Variants in FAM234B observed in about 807,000 individuals in gnomAD.
FAM234B encodes the protein family with sequence similarity 234 member B.
Under a neutral mutation model 69.3 loss-of-function variants are expected in FAM234B, and 33 were observed. The ratio of observed to expected loss-of-function variants is 0.48; its 90% CI spans 0.36 to 0.64. FAM234B has a LOEUF of 0.64. Among genes scored for constraint, FAM234B ranks in the 30% least tolerant of loss-of-function variants. FAM234B has a pLI of 0.00. For synonymous variants in FAM234B, 306 were observed against 306.9 expected (o/e 1.00, Z 0.03); for missense variants, 697 against 769.7 (o/e 0.91, Z 1.12).
chr12:13,065,263 C>T lies in FAM234B; in HGVS notation c.853-1377C>T, dbSNP rs1865025332. ...TAACCATTAGCCTAGTCCCTCTAAG[C>T]TTGCTACTCAGGACTAAATATCCCC... On this transcript the variant is annotated intron_variant, in intron 5 of 12. Transcript: ENST00000197268. Among the ~76,000 whole-genome samples, 9 of 152,356 alleles carry T rather than the reference C, an allele frequency of 5.9e-5. No individual in the cohort carries two copies. The South Asian group carries it at 1.9e-3, about 32-fold the overall frequency.
At position 13,072,848 on chromosome 12, in the gene FAM234B, G is replaced by A. The variant is rs545944498; in HGVS notation, c.1524+1452G>A. 5.9e-5 allele frequency among the ~76,000 whole-genome samples: 9 copies of A among 152,092 alleles called. No homozygotes were observed. The South Asian group carries it at 1.0e-3, about 18-fold the overall frequency. ...CCCTAAAGAACTGAGGGTCCTGGGCGTTTCATCATGTCAATGCAGTCTTTT... is the reference window on the plus strand; with the variant it reads ...CCCTAAAGAACTGAGGGTCCTGGGCATTTCATCATGTCAATGCAGTCTTTT... On this transcript the variant is annotated intron_variant, in intron 10 of 12. Transcript: ENST00000197268.
chr12:13,056,055 C>T (rs1273220618), intron 2 of FAM234B, 109 bp downstream of exon 2: 8 of 1,167,864 alleles, frequency 6.9e-6, no homozygotes, highest in East Asian at 2.7e-5. Context: ...TGCGGCATTC[C>T]CCACCCTGCC....
At chr12:13,066,811 C>A (rs764512930) in intron 6 of FAM234B, 24 bp downstream of exon 6, 1 of 1,604,584 alleles carries the variant, frequency 6.2e-7, no homozygotes, top group South Asian at 1.1e-5. Flanking sequence ...CTAGTTTTTG[C>A]TCCTGTTCCC....
chr12:13,081,271 C>G lies in FAM234B; in HGVS notation c.*641C>G, dbSNP rs943755814. On this transcript the variant is annotated 3_prime_UTR_variant, in exon 13 of 13. Coordinates refer to ENST00000197268, the MANE Select transcript of FAM234B (RefSeq NM_020853.2). Reference sequence around the variant, plus strand: ...ATTTTCATCTCTCTTGTTTTATATCCTATTTCCTTAGATTTTCCATCCATG... The same window carrying G: ...ATTTTCATCTCTCTTGTTTTATATCGTATTTCCTTAGATTTTCCATCCATG... 2 of 152,184 alleles carry G rather than the reference C, an allele frequency of 1.3e-5. No individual in the cohort carries two copies. Among genetic ancestry groups the G allele is most frequent in the African/African-American group, 2.4e-5 (1 of 41,428 alleles). The allele number at this position is 152,184 out of a possible 1,614,324, so 9.4% of individuals were successfully genotyped here. A position where few individuals can be genotyped will look rare whatever the true frequency, so the allele number is the denominator to read the frequency against.
chr12:13,064,089 A>G lies in FAM234B; in HGVS notation c.852+1114A>G, dbSNP rs201593648. On this transcript the variant is annotated intron_variant, in intron 5 of 12. Transcript: ENST00000197268. ...CCATCAGTCATGAGTTTTGAGGAGCACTGCTCTAGCACACTAAACTCTCCC... is the reference window on the plus strand; with the variant it reads ...CCATCAGTCATGAGTTTTGAGGAGCGCTGCTCTAGCACACTAAACTCTCCC... 2.6e-5 allele frequency among the ~76,000 whole-genome samples: 4 copies of G among 152,356 alleles called. 1 individual carries two copies. In the East Asian group the frequency reaches 7.7e-4, roughly 29 times the overall value.
Position 13,081,410 on chromosome 12 carries a change from A to G in FAM234B, c.*780A>G, listed in dbSNP as rs1865224768. The G allele has an allele frequency of 1.3e-5, 2 of 152,270 alleles. No individual in the cohort carries two copies. 9.4% of individuals were successfully genotyped at this position (152,270 alleles called of 1,614,324 possible). ...ACATGTTGTGTTATATGTGGCTCTG[A>G]TGGTTCTGCCAGTCATGATCTTTTT... On this transcript the variant is annotated 3_prime_UTR_variant, in exon 13 of 13. Transcript: ENST00000197268.
rs746238306 is a variant in FAM234B at position 13,062,836 on chromosome 12, C to T, written c.722-9C>T. On this transcript the variant is annotated splice_polypyrimidine_tract_variant and intron_variant, in intron 4 of 12. Coordinates refer to ENST00000197268, the MANE Select transcript of FAM234B (RefSeq NM_020853.2). Reference sequence around the variant, plus strand: ...TGTCATAGTGACCAGCCTATGTGTCCTTCCTCAGGGAAAGCCATTTGGACT... The same window carrying T: ...TGTCATAGTGACCAGCCTATGTGTCTTTCCTCAGGGAAAGCCATTTGGACT... 4 of 1,613,632 alleles carry T rather than the reference C, an allele frequency of 2.5e-6. No homozygotes were observed. In the South Asian group the frequency reaches 4.4e-5, roughly 18 times the overall value.
In FAM234B at chr12:13,058,501, C is replaced by A; in HGVS notation, c.484C>A (p.Arg162Ser). The A allele has an allele frequency of 6.2e-7, 1 of 1,613,644 alleles. No homozygotes were observed. Among genetic ancestry groups the A allele is most frequent in the Non-Finnish European group, 8.5e-7 (1 of 1,179,796 alleles). ...GGCTGATGTGAATGGAGATGGCCTGCGTGATGTGCTTCTCTCCTTTGTGAT... is the reference window on the plus strand; with the variant it reads ...GGCTGATGTGAATGGAGATGGCCTGAGTGATGTGCTTCTCTCCTTTGTGAT... ...ELADVNGDGLRDVLLSFVMSR... is the reference protein window; with the variant it reads ...ELADVNGDGLSDVLLSFVMSR... The change falls in exon 3 of 13, where the codon CGT (arginine) becomes AGT (serine). Residue 162 changes from arginine (R) to serine (S), a missense_variant. This residue lies in a region of FAM234B where 380 missense variants were observed against 447.1 expected (regional missense o/e 0.85). Coordinates refer to ENST00000197268, the MANE Select transcript of FAM234B (RefSeq NM_020853.2).
At position 13,071,372 on chromosome 12, in the gene FAM234B, G is replaced by A. The variant is rs746506952; in HGVS notation, c.1500G>A (p.Gly500=). 3.1e-6 allele frequency: 5 copies of A among 1,614,034 alleles called. No homozygotes were observed. In the South Asian group the frequency reaches 4.4e-5, roughly 14 times the overall value. Residue 500 remains glycine (G), a synonymous_variant, in exon 10 of 13, where the codon GGG becomes GGA. Transcript: ENST00000197268. The stretch of plus-strand genomic sequence containing the variant: ...CTGTCTTCCTCTTCTGGGCCGAAGG[G>A]CTGTCAGCTGCATCTCCCAATTCCG... ...QKSVFLFWAE[G]LSAASPNSDI...
chr12:13,051,634 G>A (rs1287814194), intron 1 of FAM234B, among the ~76,000 whole-genome samples: 2 of 152,184 alleles, frequency 1.3e-5, no homozygotes, highest in Non-Finnish European at 2.9e-5. Flanking sequence ...GACTGTACCT[G>A]GGATTGTATC....
chr12:13,077,836 G>A (rs1865178944), intron 11 of FAM234B, among the ~76,000 whole-genome samples: 1 of 152,144 alleles, frequency 6.6e-6, no homozygotes, highest in Non-Finnish European at 1.5e-5. Context: ...AGATCCCTGA[G>A]GAATCGCCAC....
chr12:13,052,916 A>C (rs1324510749), intron 1 of FAM234B, among the ~76,000 whole-genome samples: 2 of 152,202 alleles, frequency 1.3e-5, no homozygotes, highest in African/African-American at 4.8e-5. Flanking sequence ...CTAACAACCC[A>C]TGGCTCTGTA....
In FAM234B at chr12:13,055,853, T is replaced by C. The variant is rs1218549657; in HGVS notation, c.340T>C (p.Ser114Pro). 2 of 1,613,928 alleles carry C rather than the reference T, an allele frequency of 1.2e-6. No individual in the cohort carries two copies. Among genetic ancestry groups the C allele is most frequent in the African/African-American group, 2.7e-5 (2 of 74,904 alleles). ...TSVFLLTLGI[S>P]MILVLLCAFL... Reference sequence around the variant, plus strand: ...TGTCTTCCTGCTGACTTTGGGGATCTCGATGATCCTGGTGCTCCTGTGTGC... The same window carrying C: ...TGTCTTCCTGCTGACTTTGGGGATCCCGATGATCCTGGTGCTCCTGTGTGC... The change falls in exon 2 of 13, where the codon TCG becomes CCG. Residue 114 changes from serine (S) to proline (P), a missense_variant. Around this residue, in one of 3 missense-constraint regions of FAM234B, gnomAD observed 380 missense variants for 447.1 expected, o/e 0.85. Transcript: ENST00000197268.
chr12:13,046,975 G>A (rs1726538769), intron 1 of FAM234B, among the ~76,000 whole-genome samples: 1 of 152,300 alleles, frequency 6.6e-6, no homozygotes, highest in South Asian at 2.1e-4. Flanking sequence ...ATCTGAAATA[G>A]TAAAGGAGAT....
At position 13,044,490 on chromosome 12, in the gene FAM234B, A is replaced by G; in HGVS notation, c.37+50A>G. 6.5e-7 allele frequency: 1 copy of G among 1,544,818 alleles called. No individual in the cohort carries two copies. Among genetic ancestry groups the G allele is most frequent in the Non-Finnish European group, 8.8e-7 (1 of 1,141,600 alleles). On this transcript the variant is annotated intron_variant, in intron 1 of 12. Coordinates refer to ENST00000197268, the MANE Select transcript of FAM234B (RefSeq NM_020853.2). This position sits in a 1 kb window ranked among gnomAD's most constrained non-coding sequence, Gnocchi z 5.6. ...ACCCAGTCCCCGCCGGTGTTGGAATAAGGGGAGGCGAGGCTCTGGGGGCGA... is the reference window on the plus strand; with the variant it reads ...ACCCAGTCCCCGCCGGTGTTGGAATGAGGGGAGGCGAGGCTCTGGGGGCGA...
chr12:13,073,557 A>G lies in FAM234B; in HGVS notation c.1524+2161A>G, dbSNP rs562822660. 3.3e-5 allele frequency among the ~76,000 whole-genome samples: 5 copies of G among 152,294 alleles called. No homozygotes were observed. The East Asian group carries it at 7.7e-4, about 24-fold the overall frequency. On this transcript the variant is annotated intron_variant, in intron 10 of 12. Coordinates refer to ENST00000197268, the MANE Select transcript of FAM234B (RefSeq NM_020853.2). ...CATTGTGCTTTGCCTTCAGGAGCAC[A>G]CTGGTAAAGCCATGTTTCATCTCCT...
At chr12:13,058,835 G>A (rs930353905) in intron 3 of FAM234B, among the ~76,000 whole-genome samples, 2 of 152,210 alleles carry the variant, frequency 1.3e-5, no homozygotes, top group African/African-American at 2.4e-5. Context: ...ACTTTGCAAC[G>A]AACAGTGTTA....
Position 13,067,341 on chromosome 12 carries a change from A to G in FAM234B, c.1142+45A>G. On this transcript the variant is annotated intron_variant, in intron 7 of 12. Transcript: ENST00000197268. The surrounding 1 kb of genome is among the most constrained non-coding windows in gnomAD (Gnocchi z 4.7). ...TTGGTCACAGTGAGATCTCTTGTGA[A>G]CTCACATGCCTTTGAGTCTCTAAGT... 1 of 1,604,294 alleles carries G rather than the reference A, an allele frequency of 6.2e-7. No individual in the cohort carries two copies. Among genetic ancestry groups the G allele is most frequent in the Non-Finnish European group, 8.5e-7 (1 of 1,171,750 alleles).
chr12:13,072,097 G>C (rs184311884), intron 10 of FAM234B, among the ~76,000 whole-genome samples: 1 of 152,212 alleles, frequency 6.6e-6, no homozygotes, highest in East Asian at 1.9e-4. Flanking sequence ...TAGGGACTAA[G>C]GATAAACTGA....
Sources: gnomAD v4.1 joint callset for allele counts (sites outside exome capture counted in the v4.1 genomes callset) on GRCh38, gnomAD v4.1.1 for gene constraint, gnomAD v4.1.1 regional missense constraint, Gnocchi (gnomAD v3.1) non-coding constraint, MANE v1.5 for transcripts, NCBI Gene and HGNC (gene_info 2026-07-23, HGNC 2026-07-21) for gene names.